Variants in TPD52 observed in about 807,000 individuals in gnomAD.
TPD52 encodes tumor protein D52, also known as prostate and colon associated protein.
Under a neutral mutation model 31.3 loss-of-function variants are expected in TPD52, and 17 were observed. That is an observed-to-expected ratio of 0.54 (90% CI 0.37 to 0.82). TPD52 has a LOEUF of 0.82. TPD52 is among the 40% of genes least tolerant of loss of function. The pLI is 0.00. For synonymous variants in TPD52, 83 were observed against 89.6 expected (o/e 0.93, Z 0.42); for missense variants, 212 against 240.1 (o/e 0.88, Z 0.77).
At chr8:80,042,549 T>C in intron 7 of TPD52, 71 bp downstream of exon 7, 6 of 1,553,842 alleles carry the variant, frequency 3.9e-6, no homozygotes, top group African/African-American at 2.8e-5. Context: ...ATGTCAATGA[T>C]TTTCGCACAG....
At chr8:80,095,558 T>C (rs1011291644) in intron 1 of TPD52, among the ~76,000 whole-genome samples, 4 of 152,194 alleles carry the variant, frequency 2.6e-5, no homozygotes, top group Non-Finnish European at 5.9e-5. Context: ...AAATGTACCA[T>C]ATGAATTTAA....
intron 1 of TPD52, among the ~76,000 whole-genome samples, chr8:80,131,217 A>G (rs913598200): frequency 2.6e-5 from 4 of 152,226 alleles, no homozygotes; most frequent in African/African-American, 9.6e-5. Flanking sequence ...CAACTCTTTG[A>G]AATATCCAGA....
chr8:80,056,392 G>T (rs1239963124), intron 2 of TPD52, among the ~76,000 whole-genome samples: 1 of 152,160 alleles, frequency 6.6e-6, no homozygotes, highest in South Asian at 2.1e-4. Context: ...TACAGGTTGT[G>T]CTTCAAACGA....
intron 1 of TPD52, among the ~76,000 whole-genome samples, chr8:80,066,040 C>A (rs551997066): frequency 3.3e-5 from 5 of 152,120 alleles, no homozygotes; most frequent in Admixed American, 6.6e-5. Flanking sequence ...CCTGCTACCC[C>A]CCAGGACCAT....
intron 1 of TPD52, among the ~76,000 whole-genome samples, chr8:80,073,148 C>T (rs753842928): frequency 4.0e-5 from 6 of 151,718 alleles, no homozygotes; most frequent in Non-Finnish European, 8.8e-5. Context: ...GGTATTAACT[C>T]AAAAAAAATT....
chr8:80,094,430 TTATATATATATATATATATATA>T (rs61266725), intron 1 of TPD52, among the ~76,000 whole-genome samples: 816 of 53,712 alleles, frequency 0.015, 22 homozygotes, highest in African/African-American at 0.029. Context: ...AAAGAAAATT[TTATATATATATATATATATATA>T]TATATATATA....
At chr8:80,085,259 G>C (rs1815648530) in intron 1 of TPD52, among the ~76,000 whole-genome samples, 1 of 152,214 alleles carries the variant, frequency 6.6e-6, no homozygotes, top group Non-Finnish European at 1.5e-5. Flanking sequence ...CCAGTAAAGT[G>C]CGTATGTACT....
At chr8:80,116,700 C>T (rs1039760708) in intron 1 of TPD52, among the ~76,000 whole-genome samples, 1 of 151,034 alleles carries the variant, frequency 6.6e-6, no homozygotes, top group African/African-American at 2.4e-5. Flanking sequence ...CACAAGAAAA[C>T]GACAGACTAG....
chr8:80,061,067 A>G (rs540769976), intron 2 of TPD52, among the ~76,000 whole-genome samples: 1 of 152,320 alleles, frequency 6.6e-6, no homozygotes, highest in Non-Finnish European at 1.5e-5. Context: ...AGAAAATCCT[A>G]AAGAATCCAC....
At chr8:80,127,245 T>C (rs1808682840) in intron 1 of TPD52, among the ~76,000 whole-genome samples, 1 of 152,248 alleles carries the variant, frequency 6.6e-6, no homozygotes, top group South Asian at 2.1e-4. Context: ...TTGATACAAC[T>C]TGAAACATTT....
intron 1 of TPD52, among the ~76,000 whole-genome samples, chr8:80,085,109 T>G (rs1038673292): frequency 1.3e-5 from 2 of 152,070 alleles, no homozygotes; most frequent in African/African-American, 4.8e-5. Context: ...GTGTAATAAT[T>G]TATGAGAGAG....
intron 7 of TPD52, among the ~76,000 whole-genome samples, chr8:80,041,752 A>T (rs10089577): frequency 0.14 from 21,109 of 152,088 alleles, 4,079 homozygotes; most frequent in African/African-American, 0.44. Context: ...ATTATAATAA[A>T]AAAAATGTCC....
chr8:80,061,697 A>T (rs919560454), intron 2 of TPD52, among the ~76,000 whole-genome samples: 46 of 152,160 alleles, frequency 3.0e-4, no homozygotes, highest in Admixed American at 2.4e-3. Context: ...AAATTTTTTT[A>T]AATATATTTG....
chr8:80,171,026 G>A (rs1812047932), intron 1 of TPD52: 3 of 464,860 alleles, frequency 6.5e-6, no homozygotes, highest in Non-Finnish European at 1.2e-5. Context: ...CCCACCTGGA[G>A]GGACGAGAGC....
At chr8:80,056,789 G>A (rs1811934733) in intron 2 of TPD52, among the ~76,000 whole-genome samples, 1 of 152,196 alleles carries the variant, frequency 6.6e-6, no homozygotes, top group African/African-American at 2.4e-5. Context: ...CAGCAAAGCA[G>A]TTTGACAGCT....
Position 80,050,444 on chromosome 8 carries a change from C to A in TPD52, c.413+1G>T. The stretch of plus-strand genomic sequence containing the variant: ...GCAGTGATGGTTCAAACTCTCCTTA[C>A]CTAAAGGAATGTGAAAAGGCTTGCA... On this transcript the variant is annotated splice_donor_variant, in intron 5 of 7. Transcript: ENST00000518937. LOFTEE classifies it high-confidence loss of function. The A allele has an allele frequency of 6.2e-7, 1 of 1,606,292 alleles. No homozygotes were observed. Among genetic ancestry groups the A allele is most frequent in the Non-Finnish European group, 8.5e-7 (1 of 1,176,566 alleles).
At chr8:80,113,538 T>C (rs1807652003) in intron 1 of TPD52, among the ~76,000 whole-genome samples, 1 of 151,986 alleles carries the variant, frequency 6.6e-6, no homozygotes, top group Non-Finnish European at 1.5e-5. Context: ...TAAACATCCA[T>C]CAAAAGATGA....
intron 1 of TPD52, among the ~76,000 whole-genome samples, chr8:80,131,456 G>C (rs765206675): frequency 6.6e-6 from 1 of 152,170 alleles, no homozygotes; most frequent in Non-Finnish European, 1.5e-5. Flanking sequence ...GGTATCAACT[G>C]TATCCAGGTA....
intron 1 of TPD52, among the ~76,000 whole-genome samples, chr8:80,098,043 GC>G (rs1806462634): frequency 1.3e-5 from 2 of 152,316 alleles, no homozygotes; most frequent in East Asian, 3.9e-4. Context: ...CTGGATGACA[GC>G]CCATCTGTTT....
Sources: gnomAD v4.1 joint callset for allele counts (sites outside exome capture counted in the v4.1 genomes callset) on GRCh38, gnomAD v4.1.1 for gene constraint, MANE v1.5 for transcripts, NCBI Gene and HGNC (gene_info 2026-07-23, HGNC 2026-07-21) for gene names.